Variants in LAMA5 observed in about 807,000 individuals in gnomAD.
LAMA5 encodes the protein laminin subunit alpha 5, also known as laminin subunit alpha-5.
A neutral mutation model predicts 433.4 loss-of-function variants in LAMA5; 260 were observed. The ratio of observed to expected loss-of-function variants is 0.60; its 90% CI spans 0.54 to 0.66. LAMA5 has a LOEUF of 0.66. Ranked by LOEUF, LAMA5 falls within the 30% of genes least tolerant of loss-of-function variation. LAMA5 has a pLI of 0.00. For synonymous variants in LAMA5, 2,620 were observed against 2,226.6 expected, an observed-to-expected ratio of 1.18 and a Z score of -4.97; for missense variants, 5,378 against 5,258.5, an observed-to-expected ratio of 1.02 and a Z score of -0.70.
intron 62 of LAMA5, 61 bp downstream of exon 62, chr20:62,314,243 A>T: frequency 1.3e-6 from 2 of 1,566,346 alleles, no homozygotes; most frequent in East Asian, 4.5e-5. Context: ...GAGGGGAGAG[A>T]TGGCGAACGG....
At chr20:62,337,761 A>T in intron 15 of LAMA5, 34 bp from the exon 16 acceptor site, 1 of 1,608,488 alleles carries the variant, frequency 6.2e-7, no homozygotes, top group Non-Finnish European at 8.5e-7. Context: ...CACGCAGTGG[A>T]GACTGCACCT....
chr20:62,311,523 G>T lies in LAMA5; in HGVS notation c.9820C>A (p.Gln3274Lys), dbSNP rs1249242389. ...TTCTGCTGCAGATCAAATACGCGCTGTGGGCCCAGGAGCCTGTGCAGGGCG... is the reference window on the plus strand; with the variant it reads ...TTCTGCTGCAGATCAAATACGCGCTTTGGGCCCAGGAGCCTGTGCAGGGCG... The part of the protein sequence containing the change: ...NVFVQRLLGP[Q>K]RVFDLQQNLG... Residue 3274 changes from glutamine (Q) to lysine (K), a missense_variant, in exon 72 of 80, where the codon CAG becomes AAG. Gln to Lys is a moderately conservative substitution (Grantham distance 53). Coordinates refer to ENST00000252999, the MANE Select transcript of LAMA5 (RefSeq NM_005560.6). The T allele has an allele frequency of 6.2e-7, 1 of 1,609,948 alleles. No individual in the cohort carries two copies. The highest frequency in any genetic ancestry group is 2.2e-5 in the East Asian group (1 of 44,812).
At position 62,339,534 on chromosome 20, in the gene LAMA5, A is replaced by G. The variant is rs1323068538; in HGVS notation, c.1478-926T>C. ...TAAAATTATAGTTTCTTTAGAAACA[A>G]TGTCAGGTGTTGGGAAGAAGGTAGA... On this transcript the variant is annotated intron_variant, in intron 11 of 79. Coordinates refer to ENST00000252999, the MANE Select transcript of LAMA5 (RefSeq NM_005560.6). 3.9e-5 allele frequency among the ~76,000 whole-genome samples: 6 copies of G among 152,198 alleles called. No individual in the cohort carries two copies. In the East Asian group the frequency reaches 1.2e-3, roughly 29 times the overall value.
At chr20:62,323,717 C>A in intron 44 of LAMA5, 47 bp from the exon 45 acceptor site, 1 of 1,593,862 alleles carries the variant, frequency 6.3e-7, no homozygotes. Context: ...TGGCGCCCAC[C>A]CTCGCATATC....
chr20:62,327,301 G>C lies in LAMA5; in HGVS notation c.5044C>G (p.Pro1682Ala). The change falls in exon 38 of 80, where the codon CCT becomes GCT. Residue 1682 changes from proline (P) to alanine (A), a missense_variant. Coordinates refer to ENST00000252999, the MANE Select transcript of LAMA5 (RefSeq NM_005560.6). Reference sequence around the variant, plus strand: ...GGGAAAGCCTCGGGCACAGCCTCAGGCACGTGCCGCAGGTCTGCACGGAGC... The same window carrying C: ...GGGAAAGCCTCGGGCACAGCCTCAGCCACGTGCCGCAGGTCTGCACGGAGC... ...EMLRADLRHVPEAVPEAFPEL... is the reference protein window; with the variant it reads ...EMLRADLRHVAEAVPEAFPEL... 2 of 1,589,284 alleles carry C rather than the reference G, an allele frequency of 1.3e-6. No individual in the cohort carries two copies. Among genetic ancestry groups the C allele is most frequent in the African/African-American group, 2.7e-5 (2 of 74,586 alleles).
intron 11 of LAMA5, among the ~76,000 whole-genome samples, chr20:62,340,228 G>T (rs1169576871): frequency 1.3e-5 from 2 of 151,586 alleles, no homozygotes; most frequent in Non-Finnish European, 2.9e-5. Context: ...TACATAGGTA[G>T]ACTGTGACAG....
rs376340588 is a variant in LAMA5, at chr20:62,316,965, C to T, written c.7570G>A (p.Ala2524Thr). 71 of 1,567,198 alleles carry T rather than the reference C, an allele frequency of 4.5e-5. No homozygotes were observed. Among genetic ancestry groups the T allele is most frequent in the Non-Finnish European group, 5.5e-5 (63 of 1,153,098 alleles). The change falls in exon 56 of 80, where the codon GCC (alanine) becomes ACC (threonine). Residue 2524 changes from alanine to threonine, a missense_variant. By Grantham distance (58) the Ala-to-Thr change is moderately conservative. Coordinates refer to ENST00000252999, the MANE Select transcript of LAMA5 (RefSeq NM_005560.6). ...LTQRAIEASNAYSRILQAVQA... is the reference protein window; with the variant it reads ...LTQRAIEASNTYSRILQAVQA... The stretch of plus-strand genomic sequence containing the variant: ...ACGGCCTGCAGGATGCGGCTGTAGG[C>T]GTTGGAGGCCTCGATGGCCCTCTGG...
chr20:62,336,803 A>G lies in LAMA5; in HGVS notation c.2165-17T>C. 1 of 1,611,768 alleles carries G rather than the reference A, an allele frequency of 6.2e-7. No individual in the cohort carries two copies. Among genetic ancestry groups the G allele is most frequent in the South Asian group, 1.1e-5 (1 of 90,882 alleles). On this transcript the variant is annotated splice_polypyrimidine_tract_variant and intron_variant, in intron 16 of 79. Transcript: ENST00000252999. The stretch of plus-strand genomic sequence containing the variant: ...AAGAGCCAGCTGTGAAGAGAGGACC[A>G]TGCCTCGGTCATTTCCCAGTGACCA...
chr20:62,310,927 C>G lies in LAMA5; in HGVS notation c.10256G>C (p.Arg3419Pro). ...GTRLRAQSRQRSRPGRWHKVS... is the reference protein window; with the variant it reads ...GTRLRAQSRQPSRPGRWHKVS... Reference sequence around the variant, plus strand: ...CTTGTGCCAGCGGCCAGGCCGGGAGCGCTGGCGGCTCTGGGCGCGGAGCCG... The same window carrying G: ...CTTGTGCCAGCGGCCAGGCCGGGAGGGCTGGCGGCTCTGGGCGCGGAGCCG... The change falls in exon 74 of 80, where the codon CGC becomes CCC. Residue 3419 changes from arginine to proline, a missense_variant. Physicochemically the swap from Arg to Pro is moderately radical, Grantham distance 103 (BLOSUM62 -2). Coordinates refer to ENST00000252999, the MANE Select transcript of LAMA5 (RefSeq NM_005560.6). The G allele has an allele frequency of 1.2e-6, 2 of 1,610,826 alleles. No individual in the cohort carries two copies. The highest frequency in any genetic ancestry group is 1.7e-6 in the Non-Finnish European group (2 of 1,179,462).
chr20:62,318,707 C>A, intron 52 of LAMA5, 57 bp from the exon 53 acceptor site: 1 of 1,585,744 alleles, frequency 6.3e-7, no homozygotes, highest in East Asian at 2.3e-5. Flanking sequence ...TTCATGACCC[C>A]TGGTCTCCAC....
rs936409709 is a variant in LAMA5 at position 62,312,290 on chromosome 20, G to A, written c.9387C>T (p.Gly3129=). ...LLVGRAMTFH[G]HGFLRLALSN... is the part of the protein sequence containing the mutation. The stretch of plus-strand genomic sequence containing the variant: ...AGAGCGCCAGGCGAAGGAAGCCGTG[G>A]CCATGGAAAGTCATGGCGCGCCCCA... Residue 3129 remains glycine (G), a synonymous_variant, in exon 69 of 80, where the codon GGC becomes GGT. Coordinates refer to ENST00000252999, the MANE Select transcript of LAMA5 (RefSeq NM_005560.6). 6 of 1,611,046 alleles carry A rather than the reference G, an allele frequency of 3.7e-6. No individual in the cohort carries two copies. Among genetic ancestry groups the A allele is most frequent in the Non-Finnish European group, 5.1e-6 (6 of 1,179,544 alleles).
intron 11 of LAMA5, among the ~76,000 whole-genome samples, chr20:62,344,144 CAAAA>C (rs34940052): frequency 2.4e-5 from 2 of 82,638 alleles, no homozygotes; most frequent in Non-Finnish European, 2.4e-5. Flanking sequence ...AACTCCATCT[CAAAA>C]AAAAAAAAAA....
chr20:62,334,055 G>A lies in LAMA5; in HGVS notation c.2740-16C>T, dbSNP rs1200207903. On this transcript the variant is annotated splice_polypyrimidine_tract_variant and intron_variant, in intron 22 of 79. Coordinates refer to ENST00000252999, the MANE Select transcript of LAMA5 (RefSeq NM_005560.6). ...CGATCCTGGGCTGGGTGGGCATGGA[G>A]CGTCGGGTCACTCTCCCTGACCACT... The A allele has an allele frequency of 1.9e-6, 3 of 1,606,196 alleles. No individual in the cohort carries two copies. The highest frequency in any genetic ancestry group is 2.7e-5 in the African/African-American group (2 of 74,820).
Position 62,322,272 on chromosome 20 carries a change from T to TGCA in LAMA5, c.6340_6342dup (p.Cys2114dup), listed in dbSNP as rs777481858. 1.0e-5 allele frequency: 16 copies of TGCA among 1,594,946 alleles called. No individual in the cohort carries two copies. In the East Asian group the frequency reaches 3.4e-4, roughly 34 times the overall value. On this transcript the variant is annotated inframe_insertion, in exon 47 of 80. Coordinates refer to ENST00000252999, the MANE Select transcript of LAMA5 (RefSeq NM_005560.6). ...CCTGTGACCGGCCAGCACTCACGCCTGCAGCCCTGCTCAGGGAGCCCCCAG... is the reference window on the plus strand; with the variant it reads ...CCTGTGACCGGCCAGCACTCACGCCTGCAGCAGCCCTGCTCAGGGAGCCCCCAG...
Position 62,317,721 on chromosome 20 carries a change from C to G in LAMA5, c.7297G>C (p.Ala2433Pro). The G allele has an allele frequency of 6.2e-7, 1 of 1,606,976 alleles. No individual in the cohort carries two copies. The highest frequency in any genetic ancestry group is 8.5e-7 in the Non-Finnish European group (1 of 1,177,608). Residue 2433 changes from alanine (A) to proline (P), a missense_variant, in exon 54 of 80, where the codon GCT becomes CCT. Physicochemically the swap from Ala to Pro is conservative, Grantham distance 27. Coordinates refer to ENST00000252999, the MANE Select transcript of LAMA5 (RefSeq NM_005560.6). Reference protein sequence around the residue: ...NATLQATLHAARDTLASVFRL... With the variant: ...NATLQATLHAPRDTLASVFRL... ...AAGACGCTGGCCAGGGTGTCCCTAG[C>G]CGCATGCAGAGTGGCCTGCAGGGTG...
In LAMA5 at chr20:62,312,745, A is replaced by G; in HGVS notation, c.9114T>C (p.Arg3038=). 6.3e-7 allele frequency: 1 copy of G among 1,591,938 alleles called. No individual in the cohort carries two copies. The highest frequency in any genetic ancestry group is 8.5e-7 in the Non-Finnish European group (1 of 1,170,754). The change falls in exon 67 of 80, where the codon CGT becomes CGC. Residue 3038 remains arginine (R), a synonymous_variant. Transcript: ENST00000252999. Reference sequence around the variant, plus strand: ...TGGCCCGCTCCACACGCACCAGCACACGCTTGCGGCTGCCCCCCAGCAGGA... The same window carrying G: ...TGGCCCGCTCCACACGCACCAGCACGCGCTTGCGGCTGCCCCCCAGCAGGA... ...QVFLLGGSRK[R]VLVRVERATV...
chr20:62,337,199 C>T (rs1186440211), intron 16 of LAMA5, among the ~76,000 whole-genome samples: 5 of 152,078 alleles, frequency 3.3e-5, no homozygotes, highest in South Asian at 2.1e-4. Context: ...ATGCGATACG[C>T]GCACCCACTT....
intron 55 of LAMA5, 42 bp from the exon 56 acceptor site, chr20:62,317,065 C>T (rs929085842): frequency 7.4e-6 from 11 of 1,492,676 alleles, no homozygotes; most frequent in East Asian, 2.3e-5. Flanking sequence ...TAAGCGCAGA[C>T]GCCCTCGGCC....
At chr20:62,366,104 G>A (rs570307268) in intron 1 of LAMA5, among the ~76,000 whole-genome samples, 7 of 152,330 alleles carry the variant, frequency 4.6e-5, no homozygotes, top group South Asian at 2.1e-4. Flanking sequence ...CCCTAAGGTG[G>A]GGCTGAGGTG....
Sources: gnomAD v4.1 joint callset for allele counts (sites outside exome capture counted in the v4.1 genomes callset) on GRCh38, gnomAD v4.1.1 for gene constraint, MANE v1.5 for transcripts, NCBI Gene and HGNC (gene_info 2026-07-23, HGNC 2026-07-21) for gene names.